The following GRIK2 variants were observed in gnomAD, a reference collection of about 807,000 sequenced individuals.
GRIK2 encodes the protein glutamate ionotropic receptor kainate type subunit 2.
A neutral mutation model predicts 100.3 loss-of-function variants in GRIK2; 32 were observed. The observed-to-expected ratio is 0.32, with a 90% CI of 0.24 to 0.43. GRIK2 has a LOEUF of 0.43. Ranked by LOEUF, GRIK2 falls within the 20% of genes least tolerant of loss-of-function variation. The pLI is 1.00. For synonymous variants in GRIK2, 417 were observed against 389.4 expected (o/e 1.07, Z -0.83); for missense variants, 843 against 1,114.9 (o/e 0.76, Z 3.47).
chr6:101,610,246 A>T (rs1349856998), intron 2 of GRIK2, among the ~76,000 whole-genome samples: 4 of 151,692 alleles, frequency 2.6e-5, no homozygotes, highest in Non-Finnish European at 5.9e-5. Flanking sequence ...CCATATAAAT[A>T]ATAGATACTG....
intron 14 of GRIK2, among the ~76,000 whole-genome samples, chr6:101,947,830 G>A (rs777711697): frequency 1.3e-5 from 2 of 152,080 alleles, no homozygotes; most frequent in Non-Finnish European, 2.9e-5. Flanking sequence ...ATAATCCTGA[G>A]CACCTACATC....
At chr6:101,675,298 CA>C (rs1370038410) in intron 4 of GRIK2, among the ~76,000 whole-genome samples, 3 of 83,942 alleles carry the variant, frequency 3.6e-5, no homozygotes, top group East Asian at 2.6e-4. Flanking sequence ...CACGCAGACA[CA>C]CACACACCAC....
At chr6:101,946,918 C>T (rs1381102542) in intron 14 of GRIK2, among the ~76,000 whole-genome samples, 1 of 152,036 alleles carries the variant, frequency 6.6e-6, no homozygotes, top group Non-Finnish European at 1.5e-5. Flanking sequence ...TCTACCCTCC[C>T]ACAGAGAATG....
chr6:101,900,612 C>A (rs999899262), intron 12 of GRIK2, among the ~76,000 whole-genome samples: 2 of 150,358 alleles, frequency 1.3e-5, no homozygotes, highest in Non-Finnish European at 3.0e-5. Flanking sequence ...TTGTTTGATA[C>A]AATAGAGTGT....
intron 12 of GRIK2, among the ~76,000 whole-genome samples, chr6:101,915,556 T>TTATCTC (rs57590027): frequency 0.94 from 141,520 of 151,044 alleles, 66,342 homozygotes; most frequent in Middle Eastern, 0.97. Context: ...TTTTAGGAAA[T>TTATCTC]TATTTCTTAG....
chr6:101,642,867 T>G (rs1781346766), intron 4 of GRIK2, among the ~76,000 whole-genome samples: 1 of 151,694 alleles, frequency 6.6e-6, no homozygotes, highest in Admixed American at 6.6e-5. Context: ...ACAAGAGTTC[T>G]AACTTATCCG....
intron 14 of GRIK2, among the ~76,000 whole-genome samples, chr6:101,980,584 G>A (rs1366663521): frequency 1.3e-5 from 2 of 151,796 alleles, no homozygotes; most frequent in Non-Finnish European, 2.9e-5. Flanking sequence ...TCATTACTAT[G>A]TGCCACCAAA....
chr6:101,938,740 A>G (rs1017868788), intron 14 of GRIK2, among the ~76,000 whole-genome samples: 2 of 152,070 alleles, frequency 1.3e-5, no homozygotes, highest in African/African-American at 2.4e-5. Flanking sequence ...CTGTAAGAAT[A>G]AGGTATGCTT....
At chr6:101,873,714 AG>A (rs1255482877) in intron 11 of GRIK2, among the ~76,000 whole-genome samples, 3 of 152,010 alleles carry the variant, frequency 2.0e-5, no homozygotes, top group Admixed American at 2.0e-4. Context: ...TCCCACCAAC[AG>A]TGTAAAAGTG....
intron 7 of GRIK2, among the ~76,000 whole-genome samples, chr6:101,794,499 A>G (rs1437301585): frequency 1.3e-5 from 2 of 151,840 alleles, no homozygotes; most frequent in African/African-American, 2.4e-5. Flanking sequence ...TGTTTTGTAT[A>G]TCGTTTGTTC....
intron 2 of GRIK2, among the ~76,000 whole-genome samples, chr6:101,475,842 C>T (rs1772199909): frequency 6.6e-6 from 1 of 151,916 alleles, no homozygotes; most frequent in Non-Finnish European, 1.5e-5. Context: ...CCTACTAAAA[C>T]ATACAAAAAT....
intron 2 of GRIK2, among the ~76,000 whole-genome samples, chr6:101,493,322 A>G (rs1042213907): frequency 6.6e-6 from 1 of 152,012 alleles, no homozygotes; most frequent in Non-Finnish European, 1.5e-5. Context: ...ATGAAACTGC[A>G]CGGTATCAAG....
chr6:101,490,154 T>C (rs1210304604), intron 2 of GRIK2, among the ~76,000 whole-genome samples: 1 of 138,618 alleles, frequency 7.2e-6, no homozygotes, highest in Non-Finnish European at 1.5e-5. Flanking sequence ...TACAGAGATA[T>C]GTAATAAAAA....
intron 7 of GRIK2, among the ~76,000 whole-genome samples, chr6:101,792,573 A>G (rs1007260095): frequency 6.6e-6 from 1 of 151,932 alleles, no homozygotes. Context: ...CTGCCGAGAG[A>G]TCCGCTGTTA....
At chr6:101,831,341 A>T (rs1782676412) in intron 10 of GRIK2, among the ~76,000 whole-genome samples, 1 of 152,052 alleles carries the variant, frequency 6.6e-6, no homozygotes, top group Non-Finnish European at 1.5e-5. Flanking sequence ...TCTTGAAAAC[A>T]TTGAGTTGTA....
chr6:101,509,148 ACT>A (rs1265625455), intron 2 of GRIK2, among the ~76,000 whole-genome samples: 4 of 118,778 alleles, frequency 3.4e-5, no homozygotes, highest in African/African-American at 1.4e-4. Context: ...ACAGAGCGAG[ACT>A]CTGTCTCAAA....
intron 14 of GRIK2, among the ~76,000 whole-genome samples, chr6:101,938,260 T>G (rs1790733335): frequency 6.6e-6 from 1 of 152,060 alleles, no homozygotes; most frequent in Non-Finnish European, 1.5e-5. Context: ...AGATGTCAAG[T>G]GATGCACCCT....
chr6:101,561,995 A>T (rs532530408), intron 2 of GRIK2, among the ~76,000 whole-genome samples: 3 of 152,108 alleles, frequency 2.0e-5, no homozygotes, highest in Non-Finnish European at 2.9e-5. Context: ...TGTAGTATAG[A>T]TAGTGGTCAA....
chr6:102,033,193 A>G (rs1295857209), intron 14 of GRIK2, among the ~76,000 whole-genome samples: 1 of 151,404 alleles, frequency 6.6e-6, no homozygotes, highest in Non-Finnish European at 1.5e-5. Context: ...GCTAAAATTT[A>G]TATATGTGTA....
Sources: allele counts gnomAD v4.1 joint callset (sites outside exome capture counted in the v4.1 genomes callset), GRCh38; gene constraint gnomAD v4.1.1; transcripts MANE v1.5; gene names NCBI Gene and HGNC (gene_info 2026-07-23, HGNC 2026-07-21).